The following RAB40C variants were observed in gnomAD, a reference collection of about 807,000 sequenced individuals.
RAB40C encodes the protein RAB40C, member RAS oncogene family.
In RAB40C, 8 loss-of-function variants were observed where a neutral mutation model predicts 28.1. That is an observed-to-expected ratio of 0.28 (90% CI 0.17 to 0.51). The LOEUF (loss-of-function observed/expected upper bound fraction) is 0.51. Among genes scored for constraint, RAB40C ranks in the 20% least tolerant of loss-of-function variants. The pLI is 0.97. For synonymous variants in RAB40C, 201 were observed against 171.7 expected (o/e 1.17, Z -1.34); for missense variants, 288 against 405.9 (o/e 0.71, Z 2.50).
At position 610,844 on chromosome 16, in the gene RAB40C, G is replaced by C. The variant is rs2036468457; in HGVS notation, c.143-6364G>C. On this transcript the variant is annotated intron_variant, in intron 1 of 5. Transcript: ENST00000248139. The surrounding 1 kb of genome is among the most constrained non-coding windows in gnomAD (Gnocchi z 4.6). ...AGGATCCTGACACCTGTCCCTCTGA[G>C]AGTCCAGACCTTTTCCAGAGTGACA... 6.6e-6 allele frequency among the ~76,000 whole-genome samples: 1 copy of C among 152,036 alleles called. No homozygotes were observed. Among genetic ancestry groups the C allele is most frequent in the African/African-American group, 2.4e-5 (1 of 41,394 alleles).
chr16:617,161 C>A, intron 1 of RAB40C, 47 bp from the exon 2 acceptor site: 1 of 1,601,768 alleles, frequency 6.2e-7, no homozygotes, highest in Non-Finnish European at 8.5e-7. Flanking sequence ...CGCGGGCGCT[C>A]GCTCCAGGAG....
At chr16:619,056 G>A (rs2036655086) in intron 3 of RAB40C, among the ~76,000 whole-genome samples, 1 of 134,512 alleles carries the variant, frequency 7.4e-6, no homozygotes, top group Non-Finnish European at 1.6e-5. Context: ...TGTGTGCACA[G>A]GTGTAGTGGG....
At chr16:607,843 G>A (rs1212854865) in intron 1 of RAB40C, among the ~76,000 whole-genome samples, 1 of 152,068 alleles carries the variant, frequency 6.6e-6, no homozygotes. Flanking sequence ...AGACAAAAAA[G>A]AAAAAGAAAA....
chr16:620,451 C>G (rs1029523358), intron 3 of RAB40C, among the ~76,000 whole-genome samples: 2 of 152,168 alleles, frequency 1.3e-5, no homozygotes, highest in Non-Finnish European at 2.9e-5. Context: ...TCTTGTCTTC[C>G]TTTTGCTTTT....
chr16:591,382 G>A (rs1399468675), intron 1 of RAB40C, among the ~76,000 whole-genome samples: 1 of 152,120 alleles, frequency 6.6e-6, no homozygotes, highest in Admixed American at 6.5e-5. Context: ...TGGGCCCGGG[G>A]AAGGTGTCAC....
chr16:608,939 A>C (rs1048726233), intron 1 of RAB40C, among the ~76,000 whole-genome samples: 1 of 151,928 alleles, frequency 6.6e-6, no homozygotes, highest in Non-Finnish European at 1.5e-5. Context: ...ACACAGCGAG[A>C]CCCCTGACTG....
chr16:602,566 T>C (rs1159733683), intron 1 of RAB40C, among the ~76,000 whole-genome samples: 2 of 152,042 alleles, frequency 1.3e-5, no homozygotes, highest in African/African-American at 4.8e-5. Context: ...GTAGCTGGGA[T>C]TACAGGCACC....
chr16:590,994 A>C (rs556664847), intron 1 of RAB40C, among the ~76,000 whole-genome samples: 2 of 148,108 alleles, frequency 1.4e-5, no homozygotes, highest in East Asian at 4.1e-4. Context: ...AGAAGGCGTC[A>C]TGGGCCAAAA....
At chr16:602,248 GTT>G (rs71139793) in intron 1 of RAB40C, among the ~76,000 whole-genome samples, 2 of 139,210 alleles carry the variant, frequency 1.4e-5, no homozygotes, top group Non-Finnish European at 1.6e-5. Flanking sequence ...GGTCATCTCT[GTT>G]TTTTTTTTTT....
intron 1 of RAB40C, 121 bp from the exon 2 acceptor site, chr16:617,087 G>A: frequency 2.9e-6 from 3 of 1,023,736 alleles, no homozygotes; most frequent in Non-Finnish European, 4.5e-6. Flanking sequence ...CTGAGTGTGG[G>A]GGAGCTGCTT....
At chr16:600,625 C>G (rs916201410) in intron 1 of RAB40C, among the ~76,000 whole-genome samples, 5 of 152,188 alleles carry the variant, frequency 3.3e-5, no homozygotes, top group African/African-American at 9.7e-5. Context: ...GTGGCATGCA[C>G]CTGTATTCCC....
At chr16:613,206 G>A (rs543389405) in intron 1 of RAB40C, among the ~76,000 whole-genome samples, 25 of 136,384 alleles carry the variant, frequency 1.8e-4, no homozygotes, top group Middle Eastern at 4.3e-3. Flanking sequence ...TGTAGAATCA[G>A]CAGGGACAGC....
chr16:623,013 G>A (rs548529147), intron 3 of RAB40C, among the ~76,000 whole-genome samples: 67 of 152,008 alleles, frequency 4.4e-4, no homozygotes, highest in African/African-American at 1.3e-3. Context: ...GACCCACGCC[G>A]GAGCAAGCCT....
At chr16:611,895 T>C (rs1389712895) in intron 1 of RAB40C, among the ~76,000 whole-genome samples, 4 of 24,502 alleles carry the variant, frequency 1.6e-4, no homozygotes. Flanking sequence ...GCCTGTAGAA[T>C]CAAGAGCACG....
intron 1 of RAB40C, among the ~76,000 whole-genome samples, chr16:598,299 A>T (rs1415507103): frequency 6.6e-6 from 1 of 151,828 alleles, no homozygotes; most frequent in Admixed American, 6.6e-5. Flanking sequence ...AATGGCGTGA[A>T]TCCAGGAGGC....
At chr16:624,266 C>G in intron 3 of RAB40C, 2 of 985,438 alleles carry the variant, frequency 2.0e-6, no homozygotes, top group Non-Finnish European at 2.4e-6. Flanking sequence ...ACTCCCCAGT[C>G]TCTCCACCTC....
chr16:591,740 T>C (rs905420942), intron 1 of RAB40C, among the ~76,000 whole-genome samples: 3 of 151,946 alleles, frequency 2.0e-5, no homozygotes, highest in South Asian at 2.1e-4. Context: ...TACAGGTGTA[T>C]GCCACCACGC....
rs138700314 is a variant in RAB40C at position 591,531 on chromosome 16, G to A, written c.142+1098G>A. ...CTGAGGGAGTCAACGCTTTGTGCTAGAAGAAAATACCTCTGTAATGAGTTA... is the reference window on the plus strand; with the variant it reads ...CTGAGGGAGTCAACGCTTTGTGCTAAAAGAAAATACCTCTGTAATGAGTTA... On this transcript the variant is annotated intron_variant, in intron 1 of 5. Coordinates refer to ENST00000248139, the MANE Select transcript of RAB40C (RefSeq NM_021168.5). Among the ~76,000 whole-genome samples the A allele has an allele frequency of 5.9e-5, 9 of 152,266 alleles. No individual in the cohort carries two copies. In the East Asian group the frequency reaches 1.5e-3, roughly 26 times the overall value.
chr16:601,211 A>C (rs541035019), intron 1 of RAB40C, among the ~76,000 whole-genome samples: 1 of 152,310 alleles, frequency 6.6e-6, no homozygotes, highest in East Asian at 1.9e-4. Context: ...ACCAAAAACT[A>C]TGATTTTTTG....
Sources: allele counts gnomAD v4.1 joint callset (sites outside exome capture counted in the v4.1 genomes callset), GRCh38; gene constraint gnomAD v4.1.1; non-coding constraint Gnocchi (gnomAD v3.1); transcripts MANE v1.5; gene names NCBI Gene and HGNC (gene_info 2026-07-23, HGNC 2026-07-21).